CNTN4: variants seen among roughly 807,000 people sequenced by gnomAD.
CNTN4 encodes the protein contactin 4.
A neutral mutation model predicts 122.5 loss-of-function variants in CNTN4; 77 were observed. The ratio of observed to expected loss-of-function variants is 0.63; its 90% CI spans 0.52 to 0.76. The LOEUF is 0.76. CNTN4 is among the 30% of genes least tolerant of loss of function. The pLI is 0.00. For synonymous variants in CNTN4, 512 were observed against 447.0 expected (o/e 1.15, Z -1.83); for missense variants, 1,256 against 1,259.1 (o/e 1.00, Z 0.04).
chr3:3,016,315 C>G (rs1403066719), intron 14 of CNTN4, among the ~76,000 whole-genome samples: 1 of 152,086 alleles, frequency 6.6e-6, no homozygotes, highest in Non-Finnish European at 1.5e-5. Flanking sequence ...ACATATACCC[C>G]CCTTCCCTCT....
intron 3 of CNTN4, among the ~76,000 whole-genome samples, chr3:2,501,762 C>T (rs905588503): frequency 2.6e-5 from 4 of 152,032 alleles, no homozygotes; most frequent in South Asian, 2.1e-4. Context: ...CTTTAAAGTC[C>T]CTTTCACTGT....
At chr3:2,371,525 C>G (rs568300563) in intron 3 of CNTN4, among the ~76,000 whole-genome samples, 1 of 152,142 alleles carries the variant, frequency 6.6e-6, no homozygotes, top group Non-Finnish European at 1.5e-5. Flanking sequence ...TTGTCCGTAT[C>G]GTTCAAAGAT....
At chr3:2,197,474 A>G (rs866597349) in intron 2 of CNTN4, among the ~76,000 whole-genome samples, 1 of 152,228 alleles carries the variant, frequency 6.6e-6, no homozygotes, top group Non-Finnish European at 1.5e-5. Flanking sequence ...TTAATGCACT[A>G]CATTTCTGGT....
intron 3 of CNTN4, among the ~76,000 whole-genome samples, chr3:2,483,764 T>C (rs1049790308): frequency 3.3e-5 from 5 of 152,178 alleles, no homozygotes; most frequent in Non-Finnish European, 5.9e-5. Flanking sequence ...ATTGTAAGTT[T>C]CCTGAGGCCT....
In CNTN4 at chr3:3,057,293, T is replaced by A. The variant is rs1217576698; in HGVS notation, c.*1073T>A. ...AGATTGCTCCTATTTCAACAAATAG[T>A]TGCTGCAAGAATTTTTAATATGACT... On this transcript the variant is annotated 3_prime_UTR_variant, in exon 25 of 25. Coordinates refer to ENST00000418658, the MANE Select transcript of CNTN4 (RefSeq NM_175607.3). The A allele has an allele frequency of 6.6e-6, 1 of 152,644 alleles. No homozygotes were observed. The highest frequency in any genetic ancestry group is 6.5e-5 in the Admixed American group (1 of 15,272). 9.5% of individuals were successfully genotyped at this position (152,644 alleles called of 1,614,324 possible).
intron 3 of CNTN4, among the ~76,000 whole-genome samples, chr3:2,487,359 A>C (rs972311597): frequency 1.3e-5 from 2 of 152,200 alleles, no homozygotes; most frequent in South Asian, 4.1e-4. Flanking sequence ...TAAGAAAGTA[A>C]CAAGAAGGAA....
chr3:2,230,817 C>T (rs957562237), intron 2 of CNTN4, among the ~76,000 whole-genome samples: 2 of 151,826 alleles, frequency 1.3e-5, no homozygotes, highest in Non-Finnish European at 2.9e-5. Context: ...AAAACCCTGT[C>T]TTTATAAAAA....
intron 10 of CNTN4, among the ~76,000 whole-genome samples, chr3:2,892,727 T>A (rs2094057766): frequency 6.6e-6 from 1 of 152,168 alleles, no homozygotes; most frequent in Non-Finnish European, 1.5e-5. Context: ...GTTATGAGAG[T>A]TAAACCATCT....
At chr3:2,428,704 G>A (rs1025105891) in intron 3 of CNTN4, among the ~76,000 whole-genome samples, 2 of 152,142 alleles carry the variant, frequency 1.3e-5, no homozygotes, top group Non-Finnish European at 2.9e-5. Context: ...TCACTTTCAG[G>A]TACACCAATC....
chr3:2,651,878 AT>A (rs1015301541), intron 4 of CNTN4, among the ~76,000 whole-genome samples: 3 of 150,580 alleles, frequency 2.0e-5, no homozygotes, highest in Non-Finnish European at 3.0e-5. Context: ...TAACTTTTGC[AT>A]TTTTTTTAGT....
rs982194331 is a variant in CNTN4, at chr3:2,594,603, G to A, written c.55+23045G>A. Among the ~76,000 whole-genome samples the A allele has an allele frequency of 5.9e-5, 9 of 151,778 alleles. No homozygotes were observed. The South Asian group carries it at 1.5e-3, about 25-fold the overall frequency. ...CCGGCTAATATTTATGTTTTTTTTG[G>A]TAGAGACGGGGTTTCACCATGTTGG... On this transcript the variant is annotated intron_variant, in intron 4 of 24. Coordinates refer to ENST00000418658, the MANE Select transcript of CNTN4 (RefSeq NM_175607.3).
At chr3:2,515,723 G>T (rs1277602152) in intron 3 of CNTN4, among the ~76,000 whole-genome samples, 2 of 151,980 alleles carry the variant, frequency 1.3e-5, no homozygotes, top group Non-Finnish European at 2.9e-5. Flanking sequence ...TGATATACTC[G>T]AACCAACTTG....
intron 4 of CNTN4, among the ~76,000 whole-genome samples, chr3:2,686,712 A>G (rs2085448699): frequency 6.6e-6 from 1 of 152,050 alleles, no homozygotes; most frequent in East Asian, 1.9e-4. Context: ...TTCACATTTC[A>G]CTAAAGCTGT....
rs73017093 is a variant in CNTN4, at chr3:2,197,119, G to A, written c.-145+96480G>A. 3.8e-3 allele frequency among the ~76,000 whole-genome samples: 577 copies of A among 151,222 alleles called. 5 individuals are homozygous for A. The highest frequency in any genetic ancestry group is 6.6e-3 in the Non-Finnish European group (445 of 67,922). On this transcript the variant is annotated intron_variant, in intron 2 of 24. Coordinates refer to ENST00000418658, the MANE Select transcript of CNTN4 (RefSeq NM_175607.3). Reference sequence around the variant, plus strand: ...CAGAACTATTTCATTAGCAAATCAAGGAAGAAACTTTCTTGAAGTTATAGC... The same window carrying A: ...CAGAACTATTTCATTAGCAAATCAAAGAAGAAACTTTCTTGAAGTTATAGC...
At chr3:2,565,370 T>G (rs2149452586) in intron 3 of CNTN4, among the ~76,000 whole-genome samples, 1 of 152,278 alleles carries the variant, frequency 6.6e-6, no homozygotes, top group East Asian at 1.9e-4. Context: ...AGACATCACC[T>G]ATAGGAATGA....
intron 2 of CNTN4, among the ~76,000 whole-genome samples, chr3:2,237,776 T>C (rs528194622): frequency 6.6e-6 from 1 of 152,322 alleles, no homozygotes; most frequent in African/African-American, 2.4e-5. Flanking sequence ...TTTTATGATC[T>C]GATGAAATTT....
At position 2,627,708 on chromosome 3, in the gene CNTN4, T is replaced by C. The variant is rs536750005; in HGVS notation, c.55+56150T>C. 1.6e-3 allele frequency among the ~76,000 whole-genome samples: 240 copies of C among 152,168 alleles called. 1 individual carries two copies. Among genetic ancestry groups the C allele is most frequent in the African/African-American group, 4.9e-3 (203 of 41,510 alleles). On this transcript the variant is annotated intron_variant, in intron 4 of 24. Coordinates refer to ENST00000418658, the MANE Select transcript of CNTN4 (RefSeq NM_175607.3). ...CGGGGTTTCACCGTGTTAGCCAGGATGGTCTCGATCTCCTGACCTTGTGAT... is the reference window on the plus strand; with the variant it reads ...CGGGGTTTCACCGTGTTAGCCAGGACGGTCTCGATCTCCTGACCTTGTGAT...
chr3:2,773,129 G>C (rs373262103), intron 6 of CNTN4, among the ~76,000 whole-genome samples: 16 of 126,474 alleles, frequency 1.3e-4, no homozygotes, highest in African/African-American at 5.2e-4. Context: ...TCTTTTGGTG[G>C]GGGGGGTTGC....
intron 4 of CNTN4, among the ~76,000 whole-genome samples, chr3:2,629,240 C>G (rs2082323094): frequency 6.6e-6 from 1 of 152,118 alleles, no homozygotes; most frequent in Admixed American, 6.5e-5. Flanking sequence ...GAGAAGGTGG[C>G]CATCTGCAAG....
Sources: allele counts gnomAD v4.1 joint callset (sites outside exome capture counted in the v4.1 genomes callset), GRCh38; gene constraint gnomAD v4.1.1; transcripts MANE v1.5; gene names NCBI Gene and HGNC (gene_info 2026-07-23, HGNC 2026-07-21).